Variants in IL1R2 observed in about 807,000 individuals in gnomAD.
IL1R2 encodes the protein interleukin-1 receptor type 2.
Under a neutral mutation model 39.5 loss-of-function variants are expected in IL1R2, and 46 were observed. That is an observed-to-expected ratio of 1.16 (90% CI 0.92 to 1.49). The LOEUF is 1.49. IL1R2 is among the 40% of genes most tolerant of loss of function. IL1R2 has a pLI of 0.00. For synonymous variants in IL1R2, 207 were observed against 189.6 expected (o/e 1.09, Z -0.75); for missense variants, 537 against 502.0 (o/e 1.07, Z -0.67).
At chr2:102,018,378 G>A (rs1677140763) in intron 4 of IL1R2, among the ~76,000 whole-genome samples, 1 of 152,186 alleles carries the variant, frequency 6.6e-6, no homozygotes, top group African/African-American at 2.4e-5. Context: ...GTGCAGCCGT[G>A]GCCGAGTGAC....
chr2:101,996,485 GTT>G (rs11382814), intron 1 of IL1R2, among the ~76,000 whole-genome samples: 8 of 82,418 alleles, frequency 9.7e-5, no homozygotes, highest in African/African-American at 2.5e-4. Context: ...TGTTTTCAGT[GTT>G]TTTTTTTTTT....
At chr2:102,000,317 C>T (rs1675790442) in intron 1 of IL1R2, among the ~76,000 whole-genome samples, 1 of 152,214 alleles carries the variant, frequency 6.6e-6, no homozygotes, top group Admixed American at 6.5e-5. Flanking sequence ...GACTGAGCCT[C>T]ACACAGGTAA....
chr2:102,023,663 TG>T (rs1267288226), intron 6 of IL1R2: 1 of 151,756 alleles, frequency 6.6e-6, no homozygotes, highest in Non-Finnish European at 1.5e-5. Flanking sequence ...CTCTTCTTTG[TG>T]AATGAAAAAA....
intron 8 of IL1R2, 127 bp downstream of exon 8, chr2:102,026,380 G>C (rs1439284378): frequency 9.1e-6 from 7 of 765,550 alleles, no homozygotes; most frequent in Non-Finnish European, 1.4e-5. Context: ...TGCTAGTGGA[G>C]AGCTGAAAAG....
At chr2:101,995,606 G>A (rs77164807) in intron 1 of IL1R2, among the ~76,000 whole-genome samples, 51 of 152,280 alleles carry the variant, frequency 3.3e-4, no homozygotes, top group African/African-American at 1.2e-3. Flanking sequence ...TGTGTTACAC[G>A]GCAATAGAAA....
chr2:102,022,293 G>C, intron 6 of IL1R2, 44 bp downstream of exon 6: 1 of 1,534,082 alleles, frequency 6.5e-7, no homozygotes, highest in Non-Finnish European at 9.0e-7. Flanking sequence ...CTGTGGGGGT[G>C]CCTGGTATCC....
chr2:102,006,498 T>A (rs142617542), intron 1 of IL1R2, among the ~76,000 whole-genome samples: 51 of 152,092 alleles, frequency 3.4e-4, no homozygotes, highest in Non-Finnish European at 6.3e-4. Flanking sequence ...GTTTCTGGAG[T>A]GCGAGGGTCG....
intron 1 of IL1R2, among the ~76,000 whole-genome samples, chr2:102,002,995 T>G (rs1010500881): frequency 7.0e-6 from 1 of 143,288 alleles, no homozygotes; most frequent in South Asian, 2.1e-4. Flanking sequence ...TGTCGGTGTC[T>G]ATGTCTATGT....
intron 3 of IL1R2, 73 bp downstream of exon 3, chr2:102,009,899 T>A (rs568634717): frequency 1.3e-6 from 2 of 1,518,966 alleles, no homozygotes; most frequent in East Asian, 2.3e-5. Flanking sequence ...TCAGTCATGA[T>A]CCGGATCTCA....
chr2:101,995,070 C>A (rs1213685090), intron 1 of IL1R2, among the ~76,000 whole-genome samples: 2 of 152,284 alleles, frequency 1.3e-5, no homozygotes, highest in South Asian at 4.1e-4. Flanking sequence ...GATTAAGTTA[C>A]TTTATGTGAC....
chr2:102,001,831 A>G (rs1456349412), intron 1 of IL1R2, among the ~76,000 whole-genome samples: 1 of 152,222 alleles, frequency 6.6e-6, no homozygotes, highest in Non-Finnish European at 1.5e-5. Flanking sequence ...CAAAGAATTT[A>G]TACGACATGC....
chr2:102,006,012 G>A (rs1316493141), intron 1 of IL1R2, among the ~76,000 whole-genome samples: 1 of 152,142 alleles, frequency 6.6e-6, no homozygotes, highest in Non-Finnish European at 1.5e-5. Flanking sequence ...CAGTTTGTGG[G>A]GATAAAATGC....
chr2:101,995,352 C>T (rs373967133), intron 1 of IL1R2, among the ~76,000 whole-genome samples: 14 of 152,054 alleles, frequency 9.2e-5, no homozygotes, highest in South Asian at 6.2e-4. Context: ...GAGAGGACCT[C>T]AGGGCAGGAA....
chr2:102,011,228 G>C (rs1337737583), intron 3 of IL1R2, among the ~76,000 whole-genome samples: 1 of 152,156 alleles, frequency 6.6e-6, no homozygotes, highest in Non-Finnish European at 1.5e-5. Context: ...TCAAATCTCT[G>C]CTTTCAGTTC....
rs185525098 is a variant in IL1R2, at chr2:101,992,435, A to G, written c.-62+424A>G. ...CAGAGAGAGGCAGAGAGACACAGAGACACAGAGAGAGGTAGAGAGACGGAG... is the reference window on the plus strand; with the variant it reads ...CAGAGAGAGGCAGAGAGACACAGAGGCACAGAGAGAGGTAGAGAGACGGAG... On this transcript the variant is annotated intron_variant, in intron 1 of 8. Coordinates refer to ENST00000332549, the MANE Select transcript of IL1R2 (RefSeq NM_004633.4). Among the ~76,000 whole-genome samples, 21 of 151,466 alleles carry G rather than the reference A, an allele frequency of 1.4e-4. No individual in the cohort carries two copies. The East Asian group carries it at 3.7e-3, about 27-fold the overall frequency.
At chr2:102,026,049 A>C in intron 7 of IL1R2, 62 bp from the exon 8 acceptor site, 1 of 1,349,698 alleles carries the variant, frequency 7.4e-7, no homozygotes. Flanking sequence ...AGATGTCTAC[A>C]TTGTGAAAGA....
intron 8 of IL1R2, 67 bp downstream of exon 8, chr2:102,026,320 C>A: frequency 8.4e-7 from 1 of 1,184,520 alleles, no homozygotes; most frequent in Non-Finnish European, 1.2e-6. Flanking sequence ...GGATACTAGA[C>A]AAATCTACTT....
chr2:102,004,820 C>A (rs1434178395), intron 1 of IL1R2, among the ~76,000 whole-genome samples: 1 of 152,222 alleles, frequency 6.6e-6, no homozygotes, highest in Non-Finnish European at 1.5e-5. Flanking sequence ...TCTGCAGCCA[C>A]ATCCTAGAGA....
chr2:102,004,676 A>T (rs997439057), intron 1 of IL1R2, among the ~76,000 whole-genome samples: 7 of 152,230 alleles, frequency 4.6e-5, no homozygotes, highest in African/African-American at 1.7e-4. Flanking sequence ...AAACTTCTGC[A>T]AAACTAATTT....
Sources: gnomAD v4.1 joint callset for allele counts (sites outside exome capture counted in the v4.1 genomes callset) on GRCh38, gnomAD v4.1.1 for gene constraint, MANE v1.5 for transcripts, NCBI Gene and HGNC (gene_info 2026-07-23, HGNC 2026-07-21) for gene names.